The following RHEB variants were observed in gnomAD, a reference collection of about 807,000 sequenced individuals.
RHEB encodes Ras homolog, mTORC1 binding.
Under a neutral mutation model 28.8 loss-of-function variants are expected in RHEB, and 2 were observed. The ratio of observed to expected loss-of-function variants is 0.07; its 90% CI spans 0.03 to 0.22. The LOEUF (loss-of-function observed/expected upper bound fraction) is 0.22. RHEB is among the 10% of genes least tolerant of loss of function. RHEB has a pLI of 1.00. For missense variants in RHEB, 76 were observed against 219.9 expected, an observed-to-expected ratio of 0.35 and a Z score of 4.14; for synonymous variants, 69 against 77.3, an observed-to-expected ratio of 0.89 and a Z score of 0.56.
chr7:151,477,608 T>G (rs1296133941), intron 3 of RHEB, among the ~76,000 whole-genome samples, 193 bp from the exon 4 acceptor site: 1 of 152,160 alleles, frequency 6.6e-6, no homozygotes, highest in African/African-American at 2.4e-5. Context: ...AAGCCAATAT[T>G]TAAAAATGAC....
chr7:151,485,113 T>C (rs1018117631), intron 2 of RHEB, among the ~76,000 whole-genome samples: 1 of 152,204 alleles, frequency 6.6e-6, no homozygotes, highest in Admixed American at 6.5e-5. Context: ...CTTCCTCTTG[T>C]GAAAAAGTGA....
intron 4 of RHEB, among the ~76,000 whole-genome samples, chr7:151,474,178 GTTTTTTTGTTT>G (rs1802223249): frequency 9.6e-6 from 1 of 104,284 alleles, no homozygotes; most frequent in South Asian, 3.7e-4. Context: ...AACCAGTGTT[GTTTTTTTGTTT>G]TTTTTTTGAG....
At chr7:151,514,827 A>T (rs1803047206) in intron 1 of RHEB, among the ~76,000 whole-genome samples, 1 of 152,146 alleles carries the variant, frequency 6.6e-6, no homozygotes, top group Non-Finnish European at 1.5e-5. Flanking sequence ...GCTTGAGGTC[A>T]AGAGTTCAAG....
rs74418292 is a variant in RHEB, at chr7:151,470,741, G to A, written c.381-89C>T. On this transcript the variant is annotated intron_variant, in intron 6 of 7. Transcript: ENST00000262187. ...TGATTTATGAAACAGGCTCCATTTT[G>A]GTCAATTTCTTTCTCATGAAGCAGA... 7,436 of 889,796 alleles carry A rather than the reference G, an allele frequency of 8.4e-3. 360 individuals are homozygous for A. In the African/African-American group the frequency reaches 0.11, roughly 13 times the overall value. The allele number at this position is 889,796 out of a possible 1,614,324, so 55.1% of individuals were successfully genotyped here.
intron 1 of RHEB, among the ~76,000 whole-genome samples, chr7:151,508,420 T>G (rs138162916): frequency 6.6e-6 from 1 of 152,206 alleles, no homozygotes; most frequent in East Asian, 1.9e-4. Context: ...CCAGTAGCCA[T>G]ACATGGACAG....
At chr7:151,502,558 T>C (rs1802791792) in intron 1 of RHEB, 18 of 1,077,108 alleles carry the variant, frequency 1.7e-5, no homozygotes, top group Admixed American at 6.7e-5. Context: ...CGTCATTGTA[T>C]TGTGTGACAA....
At chr7:151,501,975 C>T (rs1008773750) in intron 1 of RHEB, 15 of 611,926 alleles carry the variant, frequency 2.5e-5, no homozygotes, top group South Asian at 1.2e-4. Flanking sequence ...CCGTGGCTCA[C>T]GCCTGTAATC....
chr7:151,502,539 C>G (rs1802791491), intron 1 of RHEB: 2 of 1,031,170 alleles, frequency 1.9e-6, no homozygotes, highest in Admixed American at 3.4e-5. Flanking sequence ...TCTTTCAAAC[C>G]AATTAATACG....
intron 7 of RHEB, among the ~76,000 whole-genome samples, chr7:151,469,964 G>A (rs1802131616): frequency 6.6e-6 from 1 of 152,142 alleles, no homozygotes; most frequent in Non-Finnish European, 1.5e-5. Context: ...AATGCACTGG[G>A]GGCGGGAGAC....
chr7:151,471,560 C>T lies in RHEB; in HGVS notation c.321G>A (p.Val107=), dbSNP rs1239392247. ...ATGGTACTACTTACTGTACTTTCCC[C>T]ACCATATCCAACAATTTGCCATGGA... ...KVIHGKLLDM[V]GKVQIPIMLV... The change falls in exon 5 of 8, where the codon GTG becomes GTA. Residue 107 remains valine (V), a synonymous_variant. Transcript: ENST00000262187. 1.9e-6 allele frequency: 3 copies of T among 1,605,856 alleles called. No individual in the cohort carries two copies. Among genetic ancestry groups the T allele is most frequent in the Non-Finnish European group, 2.6e-6 (3 of 1,174,922 alleles).
chr7:151,502,127 T>C (rs543805845), intron 1 of RHEB: 19 of 420,002 alleles, frequency 4.5e-5, no homozygotes, highest in African/African-American at 3.1e-4. Flanking sequence ...TCCCAGCTAC[T>C]TGGGAGGCTG....
chr7:151,488,536 A>AT (rs1415005611), intron 2 of RHEB, among the ~76,000 whole-genome samples: 9 of 152,244 alleles, frequency 5.9e-5, no homozygotes, highest in African/African-American at 1.9e-4. Context: ...TCACTGAACA[A>AT]TGTTTTTCTA....
At position 151,507,700 on chromosome 7, in the gene RHEB, A is replaced by G. The variant is rs574996392; in HGVS notation, c.52+11760T>C. ...TGGGAGATTTTAAAAAAAAGAAAAA[A>G]TTAAACTGCAATTATTATTATTATG... On this transcript the variant is annotated intron_variant, in intron 1 of 7. Coordinates refer to ENST00000262187, the MANE Select transcript of RHEB (RefSeq NM_005614.4). Among the ~76,000 whole-genome samples, 31 of 152,346 alleles carry G rather than the reference A, an allele frequency of 2.0e-4. No individual in the cohort carries two copies. In the South Asian group the frequency reaches 6.2e-3, roughly 31 times the overall value.
At chr7:151,487,090 G>A (rs964546887) in intron 2 of RHEB, among the ~76,000 whole-genome samples, 1 of 152,194 alleles carries the variant, frequency 6.6e-6, no homozygotes, top group African/African-American at 2.4e-5. Context: ...GACTGCTTGA[G>A]GCCTGGAGTT....
intron 1 of RHEB, among the ~76,000 whole-genome samples, chr7:151,492,807 A>G (rs549193266): frequency 6.0e-5 from 9 of 150,886 alleles, no homozygotes; most frequent in African/African-American, 1.9e-4. Flanking sequence ...TCTGCTTCCA[A>G]TCCTCATTGC....
rs1802185023 is a variant in RHEB, at chr7:151,472,687, C to T, written c.276-1082G>A. Reference sequence around the variant, plus strand: ...TGTGTGTCGTTTTACTGTTTGTCTCCCACACCAGAAATAATAGGTCCGCAA... The same window carrying T: ...TGTGTGTCGTTTTACTGTTTGTCTCTCACACCAGAAATAATAGGTCCGCAA... On this transcript the variant is annotated intron_variant, in intron 4 of 7. Coordinates refer to ENST00000262187, the MANE Select transcript of RHEB (RefSeq NM_005614.4). The surrounding 1 kb of genome is among the most constrained non-coding windows in gnomAD (Gnocchi z 5.2). 6.6e-6 allele frequency among the ~76,000 whole-genome samples: 1 copy of T among 152,142 alleles called. No homozygotes were observed. The highest frequency in any genetic ancestry group is 2.1e-4 in the South Asian group (1 of 4,830).
chr7:151,497,405 C>T (rs1314054900), intron 1 of RHEB, among the ~76,000 whole-genome samples: 2 of 152,196 alleles, frequency 1.3e-5, no homozygotes, highest in African/African-American at 2.4e-5. Context: ...TTCAGCTGCA[C>T]AGTTCAATGT....
chr7:151,489,725 T>C (rs1014395997), intron 2 of RHEB, among the ~76,000 whole-genome samples: 4 of 152,218 alleles, frequency 2.6e-5, no homozygotes, highest in Non-Finnish European at 5.9e-5. Flanking sequence ...TCAATAAAAC[T>C]TTATAGAGGT....
chr7:151,481,017 C>A (rs1232996314), intron 3 of RHEB, among the ~76,000 whole-genome samples: 2 of 151,678 alleles, frequency 1.3e-5, no homozygotes, highest in East Asian at 3.9e-4. Flanking sequence ...TTTTTTTTTT[C>A]ATGAAAAATC....
Sources: allele counts gnomAD v4.1 joint callset (sites outside exome capture counted in the v4.1 genomes callset), GRCh38; gene constraint gnomAD v4.1.1; non-coding constraint Gnocchi (gnomAD v3.1); transcripts MANE v1.5; gene names NCBI Gene and HGNC (gene_info 2026-07-23, HGNC 2026-07-21).